The following DNAJB14 variants were observed in gnomAD, a reference collection of about 807,000 sequenced individuals.
DNAJB14 encodes the protein DnaJ heat shock protein family (Hsp40) member B14.
DNAJB14 carries 22 observed loss-of-function variants against 48.4 expected under a neutral mutation model. The ratio of observed to expected loss-of-function variants is 0.45; its 90% CI spans 0.32 to 0.65. The LOEUF (loss-of-function observed/expected upper bound fraction) is 0.65. Ranked by LOEUF, DNAJB14 falls within the 30% of genes least tolerant of loss-of-function variation. The pLI, the probability that DNAJB14 is intolerant of heterozygous loss-of-function variation, is 0.03. For synonymous variants in DNAJB14, 142 were observed against 158.7 expected, an observed-to-expected ratio of 0.89 and a Z score of 0.79; for missense variants, 319 against 458.8, an observed-to-expected ratio of 0.70 and a Z score of 2.78.
At chr4:99,902,766 C>T (rs1428371416) in intron 7 of DNAJB14, among the ~76,000 whole-genome samples, 1 of 152,130 alleles carries the variant, frequency 6.6e-6, no homozygotes, top group Non-Finnish European at 1.5e-5. Context: ...GACAAATTGT[C>T]TGGTTTTCAA....
At chr4:99,913,549 T>C (rs567708482) in intron 3 of DNAJB14, among the ~76,000 whole-genome samples, 1 of 152,080 alleles carries the variant, frequency 6.6e-6, no homozygotes, top group Non-Finnish European at 1.5e-5. Context: ...TATAATTCTT[T>C]TTATATACTG....
intron 1 of DNAJB14, among the ~76,000 whole-genome samples, chr4:99,938,901 A>G (rs1012873010): frequency 6.6e-6 from 1 of 152,202 alleles, no homozygotes; most frequent in Non-Finnish European, 1.5e-5. Context: ...GATAAAAGCA[A>G]TCAAGCATTT....
chr4:99,906,598 A>T lies in DNAJB14; in HGVS notation c.651T>A (p.Ser217=). The T allele has an allele frequency of 6.2e-7, 1 of 1,611,508 alleles. No homozygotes were observed. The highest frequency in any genetic ancestry group is 1.1e-5 in the South Asian group (1 of 90,958). Residue 217 remains serine, a synonymous_variant, in exon 5 of 8, where the codon TCT becomes TCA. Transcript: ENST00000442697. ...GGGFPSGSVH[S]FSNGRAGYSQ... is the part of the protein sequence containing the mutation. The stretch of plus-strand genomic sequence containing the variant: ...TATAACCAGCTCTTCCATTTGAAAA[A>T]GAATGTACACTACCTAAAAAATTAA...
chr4:99,915,906 C>A (rs1408361516), intron 3 of DNAJB14, among the ~76,000 whole-genome samples: 2 of 152,146 alleles, frequency 1.3e-5, no homozygotes, highest in African/African-American at 4.8e-5. Flanking sequence ...TATTTTGCAG[C>A]TGTCTTTCGG....
intron 1 of DNAJB14, among the ~76,000 whole-genome samples, chr4:99,934,659 G>A (rs1047201490): frequency 2.0e-5 from 3 of 151,322 alleles, no homozygotes; most frequent in Admixed American, 2.0e-4. Flanking sequence ...CGGGCGTGAT[G>A]ACCAGTGCCT....
At chr4:99,938,097 C>CAAAAAAAAAAAAAAAAAA (rs59597113) in intron 1 of DNAJB14, among the ~76,000 whole-genome samples, 8 of 40,972 alleles carry the variant, frequency 2.0e-4, no homozygotes, top group African/African-American at 3.9e-4. Context: ...GTTAAAAATA[C>CAAAAAAAAAAAAAAAAAA]AAAAAAAAAA....
intron 2 of DNAJB14, chr4:99,926,384 C>T (rs1043843033): frequency 1.3e-5 from 2 of 152,098 alleles, no homozygotes; most frequent in African/African-American, 4.8e-5. Flanking sequence ...GTGATGAATG[C>T]TGTCATGAAA....
rs1331163532 is a variant in DNAJB14, at chr4:99,900,804, T to C, written c.*224A>G. The C allele has an allele frequency of 2.7e-6, 1 of 373,156 alleles. No individual in the cohort carries two copies. The highest frequency in any genetic ancestry group is 7.6e-5 in the South Asian group (1 of 13,090). The allele number at this position is 373,156 out of a possible 1,614,324, so 23.1% of individuals were successfully genotyped here. A position where few individuals can be genotyped will look rare whatever the true frequency, so the allele number is the denominator to read the frequency against. On this transcript the variant is annotated 3_prime_UTR_variant, in exon 8 of 8. Coordinates refer to ENST00000442697, the MANE Select transcript of DNAJB14 (RefSeq NM_001031723.4). ...CTTTAGTTAGGAATCATGTAAGCTT[T>C]TAAAATGAAAATACTTGTAGAAGCG...
chr4:99,924,690 T>A, intron 2 of DNAJB14: 2 of 1,595,884 alleles, frequency 1.3e-6, no homozygotes, highest in Admixed American at 3.5e-5. Flanking sequence ...TAGAGACTCA[T>A]TCTCCTAGAA....
rs898274447 is a variant in DNAJB14 at position 99,900,267 on chromosome 4, TGAA to T, written c.*758_*760del. 5.9e-5 allele frequency: 9 copies of T among 152,078 alleles called. No individual in the cohort carries two copies. Among genetic ancestry groups the T allele is most frequent in the African/African-American group, 1.9e-4 (8 of 41,444 alleles). 9.4% of individuals were successfully genotyped at this position (152,078 alleles called of 1,614,324 possible). On this transcript the variant is annotated 3_prime_UTR_variant, in exon 8 of 8. Transcript: ENST00000442697. ...AAATGACATAACTGCACTTTACTGTTGAAGACCCTTTTAGTTTAATATTTATAG... is the reference window on the plus strand; with the variant it reads ...AAATGACATAACTGCACTTTACTGTTGACCCTTTTAGTTTAATATTTATAG...
chr4:99,941,230 G>C (rs948880687), intron 1 of DNAJB14, among the ~76,000 whole-genome samples: 2 of 152,106 alleles, frequency 1.3e-5, no homozygotes, highest in Admixed American at 1.3e-4. Context: ...ATGTAGGAGA[G>C]AGACAGCTAT....
At chr4:99,941,012 T>C (rs1030202750) in intron 1 of DNAJB14, among the ~76,000 whole-genome samples, 14 of 151,902 alleles carry the variant, frequency 9.2e-5, no homozygotes, top group Non-Finnish European at 1.9e-4. Context: ...TATATTAATA[T>C]AGAAGGCCTT....
intron 7 of DNAJB14, 40 bp downstream of exon 7, chr4:99,903,686 G>A (rs752480776): frequency 2.5e-6 from 4 of 1,574,478 alleles, no homozygotes; most frequent in East Asian, 2.2e-5. Flanking sequence ...TCCAAAGACT[G>A]CGAATAAGTT....
At chr4:99,910,603 T>C (rs1232755797) in intron 3 of DNAJB14, among the ~76,000 whole-genome samples, 1 of 152,038 alleles carries the variant, frequency 6.6e-6, no homozygotes, top group African/African-American at 2.4e-5. Context: ...ATATTTTAGA[T>C]GGTATTTGAG....
chr4:99,923,951 T>C (rs1726154926), intron 2 of DNAJB14: 1 of 835,072 alleles, frequency 1.2e-6, no homozygotes, highest in Non-Finnish European at 1.4e-6. Context: ...TTCATTGTGA[T>C]AAGCACATTT....
chr4:99,909,951 A>C (rs1725602793), intron 3 of DNAJB14, among the ~76,000 whole-genome samples: 1 of 152,060 alleles, frequency 6.6e-6, no homozygotes, highest in African/African-American at 2.4e-5. Flanking sequence ...TCACTTCATA[A>C]ATACATCTTG....
intron 1 of DNAJB14, among the ~76,000 whole-genome samples, chr4:99,935,820 C>T (rs955041410): frequency 3.9e-5 from 6 of 152,268 alleles, no homozygotes; most frequent in Non-Finnish European, 8.8e-5. Flanking sequence ...GTAATCCCAG[C>T]ACTTTAGGAG....
chr4:99,917,714 A>T (rs1256224042), intron 3 of DNAJB14, among the ~76,000 whole-genome samples: 1 of 151,996 alleles, frequency 6.6e-6, no homozygotes, highest in Non-Finnish European at 1.5e-5. Flanking sequence ...AAATGTCTTG[A>T]TTTCCCCTTC....
At chr4:99,940,051 A>G (rs1726833529) in intron 1 of DNAJB14, among the ~76,000 whole-genome samples, 1 of 152,194 alleles carries the variant, frequency 6.6e-6, no homozygotes, top group Non-Finnish European at 1.5e-5. Flanking sequence ...AATTTAGTAT[A>G]TTCCATATTA....
Sources: gnomAD v4.1 joint callset for allele counts (sites outside exome capture counted in the v4.1 genomes callset) on GRCh38, gnomAD v4.1.1 for gene constraint, MANE v1.5 for transcripts, NCBI Gene and HGNC (gene_info 2026-07-23, HGNC 2026-07-21) for gene names.